Variants in CFAP126 observed in about 807,000 individuals in gnomAD.
CFAP126 encodes the protein protein Flattop.
A neutral mutation model predicts 17.1 loss-of-function variants in CFAP126; 21 were observed. That is an observed-to-expected ratio of 1.23 (90% CI 0.87 to 1.77). The LOEUF (loss-of-function observed/expected upper bound fraction) is 1.77. Among genes scored for constraint, CFAP126 ranks in the 40% most tolerant of loss-of-function variants. The pLI is 0.00. For synonymous variants in CFAP126, 65 were observed against 73.5 expected (o/e 0.88, Z 0.59); for missense variants, 174 against 215.4 (o/e 0.81, Z 1.20).
chr1:161,367,701 T>G, intron 1 of CFAP126, 141 bp downstream of exon 1: 1 of 807,414 alleles, frequency 1.2e-6, no homozygotes. Context: ...GGGCTCTCTC[T>G]ATCCCTGAGG....
chr1:161,367,277 T>C (rs1284834309), intron 1 of CFAP126: 4 of 152,382 alleles, frequency 2.6e-5, no homozygotes, highest in South Asian at 2.1e-4. Flanking sequence ...GCAGCACTGG[T>C]CTAGATCAGG....
chr1:161,365,822 A>C (rs760682317), intron 3 of CFAP126, 120 bp from the exon 4 acceptor site: 3 of 979,492 alleles, frequency 3.1e-6, no homozygotes, highest in Non-Finnish European at 4.5e-6. Context: ...GACTGAAAGC[A>C]TAATCTTCCC....
Position 161,365,527 on chromosome 1 carries a change from T to G in CFAP126, c.347A>C (p.Lys116Thr). The stretch of plus-strand genomic sequence containing the variant: ...GGGTTAGATGGGAAGAATAGATACC[T>G]TGCCTAAGATTTCAGGACACAGCCC... Reference protein sequence around the residue: ...SNGLCPEILGKPHDPDSQKKL... With the variant: ...SNGLCPEILGTPHDPDSQKKL... The change falls in exon 4 of 5, where the codon AAG becomes ACG. Residue 116 changes from lysine (K) to threonine (T), a missense_variant and splice_region_variant. By Grantham distance (78) the Lys-to-Thr change is moderately conservative (BLOSUM62 -1). Transcript: ENST00000367974. The G allele has an allele frequency of 6.2e-7, 1 of 1,614,110 alleles. No homozygotes were observed. The highest frequency in any genetic ancestry group is 1.3e-5 in the African/African-American group (1 of 75,050).
At chr1:161,366,053 GC>G in intron 3 of CFAP126, 144 bp downstream of exon 3, 1 of 726,220 alleles carries the variant, frequency 1.4e-6, no homozygotes, top group South Asian at 1.7e-5. Context: ...GGGTAAGCTG[GC>G]CGGAAGTTCA....
At chr1:161,366,539 A>G in intron 1 of CFAP126, 38 bp from the exon 2 acceptor site, 2 of 1,582,312 alleles carry the variant, frequency 1.3e-6, no homozygotes, top group Non-Finnish European at 8.7e-7. Context: ...TGAGACTTCA[A>G]GGCCCCAAAC....
Position 161,366,243 on chromosome 1 carries a change from A to G in CFAP126, c.126T>C (p.Ile42=), listed in dbSNP as rs749530272. 1 of 1,613,976 alleles carries G rather than the reference A, an allele frequency of 6.2e-7. No individual in the cohort carries two copies. Among genetic ancestry groups the G allele is most frequent in the South Asian group, 1.1e-5 (1 of 91,072 alleles). ...ISSHEGYTQI[I]ANDRGHLLPS... is the part of the protein sequence containing the mutation. The stretch of plus-strand genomic sequence containing the variant: ...GCAGTAGATGACCACGATCGTTGGC[A>G]ATAATTTGAGTGTAGCCTTCATGAG... The change falls in exon 3 of 5, where the codon ATT becomes ATC. Residue 42 remains isoleucine, a synonymous_variant. Coordinates refer to ENST00000367974, the MANE Select transcript of CFAP126 (RefSeq NM_001013625.4).
chr1:161,366,558 T>C lies in CFAP126; in HGVS notation c.28-57A>G. ...ACTTCAAGGCCCCAAACCCAGGAAA[T>C]GAAGACTAGGCACAATTCTTTAGAT... On this transcript the variant is annotated intron_variant, in intron 1 of 4. Transcript: ENST00000367974. The C allele has an allele frequency of 6.1e-6, 9 of 1,474,598 alleles. No individual in the cohort carries two copies. The South Asian group carries it at 7.9e-5, about 13-fold the overall frequency. The allele number at this position is 1,474,598 out of a possible 1,614,324, so 91.3% of individuals were successfully genotyped here.
chr1:161,366,309 G>A, intron 2 of CFAP126, 31 bp from the exon 3 acceptor site: 1 of 1,593,468 alleles, frequency 6.3e-7, no homozygotes, highest in Non-Finnish European at 8.6e-7. Flanking sequence ...ATAAAGGTTT[G>A]TGAGGGGAAA....
rs1235882922 is a variant in CFAP126, at chr1:161,365,533, A to G, written c.341T>C (p.Leu114Ser). ...GATGGGAAGAATAGATACCTTGCCT[A>G]AGATTTCAGGACACAGCCCATTGGA... ...KASNGLCPEI[L>S]GKPHDPDSQK... Residue 114 changes from leucine (L) to serine (S), a missense_variant, in exon 4 of 5, where the codon TTA (leucine) becomes TCA (serine). Physicochemically the swap from Leu to Ser is moderately radical, Grantham distance 145 (BLOSUM62 -2). Coordinates refer to ENST00000367974, the MANE Select transcript of CFAP126 (RefSeq NM_001013625.4). 2 of 1,614,172 alleles carry G rather than the reference A, an allele frequency of 1.2e-6. No individual in the cohort carries two copies. Among genetic ancestry groups the G allele is most frequent in the Admixed American group, 1.7e-5 (1 of 60,028 alleles).
At chr1:161,367,518 T>A (rs772551515) in intron 1 of CFAP126, 1 of 292,388 alleles carries the variant, frequency 3.4e-6, no homozygotes, top group Non-Finnish European at 6.2e-6. Flanking sequence ...TCAAAAATGT[T>A]ATGGAAAAAT....
rs1478987431 is a variant in CFAP126, at chr1:161,366,457, G to T, written c.72C>A (p.Pro24=). ...GGAATACCTCTTTTGTTGGCTTAGT[G>T]GGAGACCAGTTCTGCAGATACTTGG... ...FSSKYLQNWS[P]TKPTKESISS... The change falls in exon 2 of 5, where the codon CCC becomes CCA. Residue 24 remains proline (P), a synonymous_variant. Transcript: ENST00000367974. 1 of 1,614,034 alleles carries T rather than the reference G, an allele frequency of 6.2e-7. No individual in the cohort carries two copies.
rs1672789753 is a variant in CFAP126 at position 161,367,854 on chromosome 1, G to A, written c.15C>T (p.Tyr5=). 6.2e-7 allele frequency: 1 copy of A among 1,614,086 alleles called. No individual in the cohort carries two copies. The highest frequency in any genetic ancestry group is 8.5e-7 in the Non-Finnish European group (1 of 1,179,920). ...AATGGGAACTTACCTGGTTGGCACT[G>A]TAGTTAGTGGCCATGATCTTGTGCT... The part of the protein sequence containing the change: MATN[Y]SANQYEKAFS... The change falls in exon 1 of 5, where the codon TAC becomes TAT. Residue 5 remains tyrosine, a synonymous_variant. Coordinates refer to ENST00000367974, the MANE Select transcript of CFAP126 (RefSeq NM_001013625.4).
At chr1:161,367,606 A>G (rs1479731205) in intron 1 of CFAP126, 1 of 407,152 alleles carries the variant, frequency 2.5e-6, no homozygotes, top group Non-Finnish European at 4.3e-6. Context: ...AAATTTTTAC[A>G]CTCCGCCCTT....
intron 1 of CFAP126, 53 bp downstream of exon 1, chr1:161,367,785 AAGAT>A: frequency 1.3e-6 from 2 of 1,498,438 alleles, no homozygotes; most frequent in Non-Finnish European, 1.9e-6. Flanking sequence ...GGACAGTCCA[AAGAT>A]AGAATCTGAA....
rs764290953 is a variant in CFAP126 at position 161,364,954 on chromosome 1, C to G, written c.*11G>C. On this transcript the variant is annotated 3_prime_UTR_variant, in exon 5 of 5. Transcript: ENST00000367974. ...CAGAGTTCTAGCATACGTGGACTTCCAGGTGGGCTCTTAGGATTTGGCTGG... is the reference window on the plus strand; with the variant it reads ...CAGAGTTCTAGCATACGTGGACTTCGAGGTGGGCTCTTAGGATTTGGCTGG... The G allele has an allele frequency of 6.2e-7, 1 of 1,612,666 alleles. No homozygotes were observed. The highest frequency in any genetic ancestry group is 1.1e-5 in the South Asian group (1 of 91,040).
At chr1:161,365,408 G>A (rs1333545268) in intron 4 of CFAP126, 118 bp downstream of exon 4, 3 of 1,255,682 alleles carry the variant, frequency 2.4e-6, no homozygotes, top group South Asian at 1.3e-5. Flanking sequence ...GTCAAGATAA[G>A]ACAAATTGGT....
rs1003732651 is a variant in CFAP126 at position 161,365,531 on chromosome 1, C to T, written c.343G>A (p.Gly115Ser). The T allele has an allele frequency of 1.2e-6, 2 of 1,614,082 alleles. No individual in the cohort carries two copies. Among genetic ancestry groups the T allele is most frequent in the African/African-American group, 1.3e-5 (1 of 75,012 alleles). Residue 115 changes from glycine to serine, a missense_variant, in exon 4 of 5, where the codon GGC (glycine) becomes AGC (serine). Gly to Ser is a moderately conservative substitution (Grantham distance 56, BLOSUM62 0). Transcript: ENST00000367974. Reference sequence around the variant, plus strand: ...TAGATGGGAAGAATAGATACCTTGCCTAAGATTTCAGGACACAGCCCATTG... The same window carrying T: ...TAGATGGGAAGAATAGATACCTTGCTTAAGATTTCAGGACACAGCCCATTG... The part of the protein sequence containing the change: ...ASNGLCPEIL[G>S]KPHDPDSQKK...
chr1:161,367,814 G>A (rs41270861), intron 1 of CFAP126, 28 bp downstream of exon 1: 129,951 of 1,600,696 alleles, frequency 0.081, 7,835 homozygotes, highest in East Asian at 0.25. Flanking sequence ...AAAAGTAAAC[G>A]TTAAAGAAAT....
Position 161,365,002 on chromosome 1 carries a change from C to T in CFAP126, c.497G>A (p.Gly166Asp), listed in dbSNP as rs1558188576. 6.2e-7 allele frequency: 1 copy of T among 1,614,138 alleles called. No homozygotes were observed. Among genetic ancestry groups the T allele is most frequent in the Non-Finnish European group, 8.5e-7 (1 of 1,180,032 alleles). ...DELQSSHPSA[G>D]HTPGPQRPAK... is the part of the protein sequence containing the mutation. ...TGGTCTTTGGGGACCTGGAGTATGA[C>T]CTGCAGAGGGGTGTGAGCTTTGGAG... Residue 166 changes from glycine (G) to aspartate (D), a missense_variant, in exon 5 of 5, where the codon GGT becomes GAT. By Grantham distance (94) the Gly-to-Asp change is moderately conservative. Transcript: ENST00000367974.
Sources: allele counts gnomAD v4.1 joint callset, GRCh38; gene constraint gnomAD v4.1.1; transcripts MANE v1.5; gene names NCBI Gene and HGNC (gene_info 2026-07-23, HGNC 2026-07-21).